Variants in MYCBP2 observed in about 807,000 individuals in gnomAD.
MYCBP2 encodes E3 ubiquitin-protein ligase MYCBP2.
In MYCBP2, 120 loss-of-function variants were observed where a neutral mutation model predicts 525.3. That is an observed-to-expected ratio of 0.23 (90% confidence interval 0.20 to 0.27). The LOEUF (loss-of-function observed/expected upper bound fraction) is 0.27, where lower values mean the gene tolerates loss of function less well. Among genes scored for constraint, MYCBP2 ranks in the 10% least tolerant of loss-of-function variants. MYCBP2 has a pLI of 1.00. For synonymous variants in MYCBP2, 1,894 were observed against 1,955.8 expected, an observed-to-expected ratio of 0.97 and a Z score of 0.83; for missense variants, 4,149 against 5,657.1, an observed-to-expected ratio of 0.73 and a Z score of 8.55.
chr13:77,051,061 A>G lies in MYCBP2; in HGVS notation c.13857T>C (p.Ala4619=). The change falls in exon 82 of 83, where the codon GCT becomes GCC. Residue 4619 remains alanine, a synonymous_variant. Coordinates refer to ENST00000544440, the MANE Select transcript of MYCBP2 (RefSeq NM_015057.5). ...TCATTCTTTGAAAATCATCATGACA[A>G]GCATTACAAAAATGTGTTGTTCCAA... ...FCFGTTHFCN[A]CHDDFQRMTS... The G allele has an allele frequency of 2.5e-6, 4 of 1,613,820 alleles. No individual in the cohort carries two copies. The highest frequency in any genetic ancestry group is 4.5e-5 in the East Asian group (2 of 44,858).
chr13:77,047,134 C>T (rs55641840), intron 82 of MYCBP2, among the ~76,000 whole-genome samples: 14,383 of 152,218 alleles, frequency 0.094, 884 homozygotes, highest in African/African-American at 0.17. Context: ...AAGGTGTTCA[C>T]AATCCAACAT....
rs377487912 is a variant in MYCBP2, at chr13:77,173,314, G to A, written c.5651+997C>T. Among the ~76,000 whole-genome samples the A allele has an allele frequency of 3.9e-5, 6 of 152,324 alleles. 1 individual carries two copies. The highest frequency in any genetic ancestry group is 1.4e-4 in the African/African-American group (6 of 41,572). Reference sequence around the variant, plus strand: ...GCTCTTAGTGGCTCTCCAGCTTTCTGAAACACGTAACTCTTACGCATAACA... The same window carrying A: ...GCTCTTAGTGGCTCTCCAGCTTTCTAAAACACGTAACTCTTACGCATAACA... On this transcript the variant is annotated intron_variant, in intron 37 of 82. Coordinates refer to ENST00000544440, the MANE Select transcript of MYCBP2 (RefSeq NM_015057.5).
At position 77,250,020 on chromosome 13, in the gene MYCBP2, G is replaced by A. The variant is rs980823755; in HGVS notation, c.2381+1131C>T. On this transcript the variant is annotated intron_variant, in intron 15 of 82. Transcript: ENST00000544440. ...GGGCGGATCACGAGGTCAGGAGATC[G>A]AGACCATCCCGGCTAAAACGGTGAA... Among the ~76,000 whole-genome samples the A allele has an allele frequency of 1.1e-4, 16 of 151,994 alleles. No homozygotes were observed. The East Asian group carries it at 2.1e-3, about 20-fold the overall frequency.
intron 56 of MYCBP2, among the ~76,000 whole-genome samples, chr13:77,097,080 T>C (rs1258284312): frequency 6.6e-6 from 1 of 152,174 alleles, no homozygotes; most frequent in African/African-American, 2.4e-5. Flanking sequence ...CATGCCACTG[T>C]TTCTGCTGTG....
chr13:77,110,583 G>A (rs1186091658), intron 55 of MYCBP2, among the ~76,000 whole-genome samples: 1 of 152,054 alleles, frequency 6.6e-6, no homozygotes, highest in African/African-American at 2.4e-5. Flanking sequence ...CCTACTCCCT[G>A]TTCTTGCATC....
Position 77,227,926 on chromosome 13 carries a change from T to C in MYCBP2, c.2738-2372A>G, listed in dbSNP as rs73223410. ...AATAATACTAGAAACATTTTGTTCA[T>C]TGAAACAAACTGTAACTGTACAAAA... On this transcript the variant is annotated intron_variant, in intron 18 of 82. Transcript: ENST00000544440. Among the ~76,000 whole-genome samples the C allele has an allele frequency of 1.3e-3, 205 of 152,276 alleles. 1 individual carries two copies. The highest frequency in any genetic ancestry group is 2.0e-3 in the Non-Finnish European group (137 of 68,018).
In MYCBP2 at chr13:77,098,612, T is replaced by C; in HGVS notation, c.8542A>G (p.Lys2848Glu). ...GCAGTACTTTTTTGAGGTAGATTTT[T>C]ATCATGTGGTGAGGAGGAGCGTGGA... is the stretch of plus-strand genomic sequence containing the variant. ...SSPRSSSPHD[K>E]NLPQKSTAPV... Residue 2848 changes from lysine to glutamate, a missense_variant, in exon 56 of 83, where the codon AAA (lysine) becomes GAA (glutamate). Lys to Glu is a moderately conservative substitution (Grantham distance 56, BLOSUM62 1). Transcript: ENST00000544440. 1.2e-6 allele frequency: 2 copies of C among 1,613,694 alleles called. No individual in the cohort carries two copies. Among genetic ancestry groups the C allele is most frequent in the Non-Finnish European group, 8.5e-7 (1 of 1,179,780 alleles).
intron 71 of MYCBP2, among the ~76,000 whole-genome samples, chr13:77,066,456 C>G (rs74096179): frequency 0.027 from 4,081 of 152,228 alleles, 203 homozygotes; most frequent in African/African-American, 0.092. Flanking sequence ...GACTTTTTTC[C>G]TAGCAAGACT....
chr13:77,050,867 G>A, intron 82 of MYCBP2, 130 bp downstream of exon 82: 1 of 765,064 alleles, frequency 1.3e-6, no homozygotes, highest in Non-Finnish European at 2.1e-6. Flanking sequence ...AAGGATCAAG[G>A]AATTCCTCCT....
At chr13:77,224,627 G>T (rs1168247261) in intron 19 of MYCBP2, 95 bp from the exon 20 acceptor site, 2 of 698,164 alleles carry the variant, frequency 2.9e-6, no homozygotes, top group African/African-American at 3.7e-5. Flanking sequence ...CACTATTTAA[G>T]ATTTATAGAA....
intron 1 of MYCBP2, among the ~76,000 whole-genome samples, chr13:77,318,788 G>C (rs533430443): frequency 1.3e-5 from 2 of 152,216 alleles, no homozygotes; most frequent in Non-Finnish European, 2.9e-5. Flanking sequence ...TCAATTACTT[G>C]ATAATATGAC....
chr13:77,246,226 C>T (rs2154320923), intron 15 of MYCBP2, among the ~76,000 whole-genome samples: 1 of 152,302 alleles, frequency 6.6e-6, no homozygotes, highest in African/African-American at 2.4e-5. Context: ...CATAGCTAGA[C>T]ACCCTGTGAA....
At chr13:77,150,987 TTTAA>T (rs769426569) in intron 46 of MYCBP2, 38 bp from the exon 47 acceptor site, 27 of 1,508,654 alleles carry the variant, frequency 1.8e-5, no homozygotes, top group Non-Finnish European at 2.3e-5. Flanking sequence ...ACCATTATTA[TTTAA>T]TTGTCACTGA....
At chr13:77,150,605 C>T (rs2056323499) in intron 47 of MYCBP2, 129 bp downstream of exon 47, 5 of 722,154 alleles carry the variant, frequency 6.9e-6, no homozygotes, top group South Asian at 5.5e-5. Context: ...ATAAGTGTTG[C>T]TGCAAATTTA....
intron 61 of MYCBP2, among the ~76,000 whole-genome samples, chr13:77,088,201 A>AT (rs1163916726): frequency 1.3e-5 from 2 of 152,134 alleles, no homozygotes; most frequent in Non-Finnish European, 2.9e-5. Flanking sequence ...ATACCAAAAT[A>AT]TTTTTTCAAA....
At chr13:77,104,936 A>G (rs1299808854) in intron 55 of MYCBP2, among the ~76,000 whole-genome samples, 3 of 152,078 alleles carry the variant, frequency 2.0e-5, no homozygotes, top group Admixed American at 2.0e-4. Context: ...AAATCTATAA[A>G]CCTCAAAAGA....
rs1594597933 is a variant in MYCBP2, at chr13:77,107,178, G to A, written c.8141-8165C>T. Among the ~76,000 whole-genome samples, 3 of 152,174 alleles carry A rather than the reference G, an allele frequency of 2.0e-5. No individual in the cohort carries two copies. In the East Asian group the frequency reaches 5.8e-4, roughly 29 times the overall value. On this transcript the variant is annotated intron_variant, in intron 55 of 82. Coordinates refer to ENST00000544440, the MANE Select transcript of MYCBP2 (RefSeq NM_015057.5). ...GTGCATTTCTATTTTTCTCTGAATA[G>A]AACTTCAGATATTTTTGACAGCAAT...
At chr13:77,272,627 A>T (rs2075045663) in intron 5 of MYCBP2, among the ~76,000 whole-genome samples, 1 of 152,198 alleles carries the variant, frequency 6.6e-6, no homozygotes, top group Admixed American at 6.5e-5. Flanking sequence ...CAAAATAATT[A>T]AGGACCATAA....
At position 77,273,640 on chromosome 13, in the gene MYCBP2, G is replaced by A. The variant is rs1423999518; in HGVS notation, c.777C>T (p.Ile259=). 1.9e-6 allele frequency: 3 copies of A among 1,557,172 alleles called. No homozygotes were observed. Among genetic ancestry groups the A allele is most frequent in the Non-Finnish European group, 2.6e-6 (3 of 1,157,068 alleles). Residue 259 remains isoleucine, a synonymous_variant, in exon 5 of 83, where the codon ATC becomes ATT. Coordinates refer to ENST00000544440, the MANE Select transcript of MYCBP2 (RefSeq NM_015057.5). ...LESLFQLLLE[I]TVRSTGMNDS... is the part of the protein sequence containing the mutation. Reference sequence around the variant, plus strand: ...CATTCATCCCAGTACTTCGAACGGTGATTTCCAAAAGAAGCTGGAAGAGAG... The same window carrying A: ...CATTCATCCCAGTACTTCGAACGGTAATTTCCAAAAGAAGCTGGAAGAGAG...
Sources: allele counts gnomAD v4.1 joint callset (sites outside exome capture counted in the v4.1 genomes callset), GRCh38; gene constraint gnomAD v4.1.1; transcripts MANE v1.5; gene names NCBI Gene and HGNC (gene_info 2026-07-23, HGNC 2026-07-21).